Variants in CRB1 observed in about 807,000 individuals in gnomAD.
CRB1 encodes protein crumbs homolog 1.
In CRB1, 83 loss-of-function variants were observed where a neutral mutation model predicts 120.0. The observed-to-expected ratio is 0.69, with a 90% CI of 0.58 to 0.83. The LOEUF is 0.83. CRB1 is among the 40% of genes least tolerant of loss of function. CRB1 has a pLI of 0.00. For missense variants in CRB1, 1,699 were observed against 1,687.6 expected (o/e 1.01, Z -0.12); for synonymous variants, 625 against 612.5 (o/e 1.02, Z -0.30).
chr1:197,429,692 G>A (rs1253574396), intron 8 of CRB1, 78 bp downstream of exon 8: 1 of 1,444,648 alleles, frequency 6.9e-7, no homozygotes, highest in Non-Finnish European at 9.6e-7. Flanking sequence ...CACAGAAAAA[G>A]AGTATAGACA....
chr1:197,427,692 T>C lies in CRB1; in HGVS notation c.2367T>C (p.Asn789=), dbSNP rs998893595. Residue 789 remains asparagine (N), a synonymous_variant, in exon 7 of 12, where the codon AAT becomes AAC. Coordinates refer to ENST00000367400, the MANE Select transcript of CRB1 (RefSeq NM_201253.3). ...AATTAGTAGTAAAATTTGTTCTTAATGATGGAAATGTCCACTTGATATCTT... is the reference window on the plus strand; with the variant it reads ...AATTAGTAGTAAAATTTGTTCTTAACGATGGAAATGTCCACTTGATATCTT... The part of the protein sequence containing the change: ...SPKLVVKFVL[N]DGNVHLISLK... The C allele has an allele frequency of 3.7e-6, 6 of 1,613,834 alleles. No homozygotes were observed. The highest frequency in any genetic ancestry group is 3.3e-5 in the Admixed American group (2 of 59,962).
chr1:197,453,269 G>GTATA (rs970307413), intron 11 of CRB1, among the ~76,000 whole-genome samples: 10 of 142,968 alleles, frequency 7.0e-5, no homozygotes, highest in African/African-American at 2.0e-4. Context: ...GTATACTTGT[G>GTATA]TATATATATA....
the CRB1 span, among the ~76,000 whole-genome samples, chr1:197,201,958 A>G: frequency 0.011 from 1,655 of 152,300 alleles, 21 homozygotes; most frequent in Non-Finnish European, 0.016. Context: ...AGAAAAATCC[A>G]CAAGGACAAC....
chr1:197,240,978 G>C, the CRB1 span, among the ~76,000 whole-genome samples: 473 of 152,218 alleles, frequency 3.1e-3, 2 homozygotes, highest in African/African-American at 0.011. Flanking sequence ...TCATATGTTT[G>C]TTGGCCTCAT....
chr1:197,364,826 T>C (rs1183274272), intron 5 of CRB1, among the ~76,000 whole-genome samples: 1 of 152,218 alleles, frequency 6.6e-6, no homozygotes, highest in Non-Finnish European at 1.5e-5. Flanking sequence ...ATTTTTATGC[T>C]GGTTGTTTTA....
chr1:197,356,857 G>C lies in CRB1; in HGVS notation c.1015G>C (p.Asp339His), dbSNP rs1199892094. 1 of 1,614,156 alleles carries C rather than the reference G, an allele frequency of 6.2e-7. No homozygotes were observed. The highest frequency in any genetic ancestry group is 8.5e-7 in the Non-Finnish European group (1 of 1,180,040). ...PGYTGAQCEIDLNECNSNPCQ... is the reference protein window; with the variant it reads ...PGYTGAQCEIHLNECNSNPCQ... ...ATACACAGGTGCCCAGTGTGAGATCGACCTCAATGAATGCAATAGTAACCC... is the reference window on the plus strand; with the variant it reads ...ATACACAGGTGCCCAGTGTGAGATCCACCTCAATGAATGCAATAGTAACCC... Residue 339 changes from aspartate (D) to histidine (H), a missense_variant, in exon 5 of 12, where the codon GAC becomes CAC. Physicochemically the swap from Asp to His is moderately conservative, Grantham distance 81. Coordinates refer to ENST00000367400, the MANE Select transcript of CRB1 (RefSeq NM_201253.3).
At chr1:197,270,154 C>T (rs748822185) in intron 1 of CRB1, among the ~76,000 whole-genome samples, 1 of 152,108 alleles carries the variant, frequency 6.6e-6, no homozygotes, top group African/African-American at 2.4e-5. Context: ...GTATTCTTGA[C>T]ACAAATTCTG....
rs78935001 is a variant in CRB1, at chr1:197,344,609, A to G, written c.848+133A>G. 0.046 allele frequency: 36,768 copies of G among 794,576 alleles called. 1,319 individuals are homozygous for G. Among genetic ancestry groups the G allele is most frequent in the East Asian group, 0.12 (4,596 of 39,458 alleles). 49.2% of individuals were successfully genotyped at this position (794,576 alleles called of 1,614,324 possible). On this transcript the variant is annotated intron_variant, in intron 3 of 11. Transcript: ENST00000367400. The stretch of plus-strand genomic sequence containing the variant: ...GTGTAACTTTATACTTTAACTGATG[A>G]AAACATTCAGATTTCACTAAAAAGG...
Position 197,309,966 on chromosome 1 carries a change from A to G in CRB1, c.71-18456A>G, listed in dbSNP as rs554834350. Among the ~76,000 whole-genome samples the G allele has an allele frequency of 1.3e-4, 20 of 152,248 alleles. No homozygotes were observed. The South Asian group carries it at 3.9e-3, about 30-fold the overall frequency. On this transcript the variant is annotated intron_variant, in intron 1 of 11. Coordinates refer to ENST00000367400, the MANE Select transcript of CRB1 (RefSeq NM_201253.3). Reference sequence around the variant, plus strand: ...AATATGTTTATACAAGGAAAGTGAAAAATATCTACGTTTGCACACTGGCTG... The same window carrying G: ...AATATGTTTATACAAGGAAAGTGAAGAATATCTACGTTTGCACACTGGCTG...
At chr1:197,435,635 G>A (rs753452166) in intron 9 of CRB1, 23 bp downstream of exon 9, 2 of 1,597,254 alleles carry the variant, frequency 1.3e-6, no homozygotes, top group African/African-American at 2.7e-5. Flanking sequence ...TCCATATGAA[G>A]CTTGGTCTTT....
chr1:197,475,327 C>T (rs1214491911), intron 11 of CRB1, among the ~76,000 whole-genome samples: 1 of 152,144 alleles, frequency 6.6e-6, no homozygotes, highest in Non-Finnish European at 1.5e-5. Flanking sequence ...CAATGACTGA[C>T]ATCCCAATCC....
intron 5 of CRB1, among the ~76,000 whole-genome samples, chr1:197,389,344 G>C (rs1020793310): frequency 1.4e-4 from 22 of 152,040 alleles, no homozygotes; most frequent in Admixed American, 7.2e-4. Context: ...CATATATCAT[G>C]GAATATAATT....
At chr1:197,390,305 A>G (rs577168097) in intron 5 of CRB1, among the ~76,000 whole-genome samples, 1 of 152,210 alleles carries the variant, frequency 6.6e-6, no homozygotes, top group East Asian at 1.9e-4. Context: ...AAACATAGCT[A>G]TAACAATTAA....
At chr1:197,460,722 G>C (rs895397733) in intron 11 of CRB1, among the ~76,000 whole-genome samples, 1 of 152,068 alleles carries the variant, frequency 6.6e-6, no homozygotes, top group East Asian at 1.9e-4. Context: ...TTGGTTTTCT[G>C]TTTCCTAGTT....
the CRB1 span, among the ~76,000 whole-genome samples, chr1:197,221,920 C>T: frequency 6.6e-6 from 1 of 152,000 alleles, no homozygotes; most frequent in East Asian, 1.9e-4. Flanking sequence ...TTTTTAAATT[C>T]CTCTTCCAAT....
chr1:197,435,776 CACTT>C lies in CRB1; in HGVS notation c.3749+167_3749+170del, dbSNP rs1316273194. ...ATTTGGTCATGTTCAGATGGGATCT[CACTT>C]ACCAGGATATTCTACAGGTCAGAAA... On this transcript the variant is annotated intron_variant, in intron 9 of 11. Coordinates refer to ENST00000367400, the MANE Select transcript of CRB1 (RefSeq NM_201253.3). Among the ~76,000 whole-genome samples the C allele has an allele frequency of 5.9e-5, 9 of 152,234 alleles. No homozygotes were observed. In the East Asian group the frequency reaches 9.7e-4, roughly 16 times the overall value.
intron 1 of CRB1, among the ~76,000 whole-genome samples, chr1:197,290,728 A>G (rs1346092881): frequency 2.0e-5 from 3 of 151,700 alleles, no homozygotes; most frequent in Non-Finnish European, 4.4e-5. Flanking sequence ...ATTTCTGATT[A>G]TTTGTAATGG....
the CRB1 span, among the ~76,000 whole-genome samples, chr1:197,206,260 G>A: frequency 2.5e-4 from 37 of 149,202 alleles, no homozygotes; most frequent in African/African-American, 8.1e-4. Flanking sequence ...ATTTAGTTCT[G>A]CTCTGATCTT....
the CRB1 span, among the ~76,000 whole-genome samples, chr1:197,238,295 A>G: frequency 1.6e-4 from 25 of 152,200 alleles, no homozygotes; most frequent in Admixed American, 1.1e-3. Flanking sequence ...AAATAAAATG[A>G]TCCCCAATTT....
Sources: allele counts gnomAD v4.1 joint callset (sites outside exome capture counted in the v4.1 genomes callset), GRCh38; gene constraint gnomAD v4.1.1; transcripts MANE v1.5; gene names NCBI Gene and HGNC (gene_info 2026-07-23, HGNC 2026-07-21).